Variants in CNTNAP2 observed in about 807,000 individuals in gnomAD.
CNTNAP2 encodes the protein contactin associated protein 2.
CNTNAP2 carries 98 observed loss-of-function variants against 155.2 expected under a neutral mutation model. That is an observed-to-expected ratio of 0.63 (90% CI 0.54 to 0.75). CNTNAP2 has a LOEUF of 0.75. Ranked by LOEUF, CNTNAP2 falls within the 30% of genes least tolerant of loss-of-function variation. CNTNAP2 has a pLI of 0.00. For missense variants in CNTNAP2, 1,727 were observed against 1,688.1 expected, an observed-to-expected ratio of 1.02 and a Z score of -0.40; for synonymous variants, 651 against 631.2, an observed-to-expected ratio of 1.03 and a Z score of -0.47.
chr7:146,933,810 C>T (rs1214230259), intron 3 of CNTNAP2, among the ~76,000 whole-genome samples: 1 of 151,946 alleles, frequency 6.6e-6, no homozygotes, highest in Non-Finnish European at 1.5e-5. Flanking sequence ...CAAAAGAAGA[C>T]ATTTATGCAG....
intron 15 of CNTNAP2, among the ~76,000 whole-genome samples, chr7:148,083,067 T>C (rs762228624): frequency 2.0e-5 from 3 of 151,838 alleles, no homozygotes; most frequent in Non-Finnish European, 4.4e-5. Context: ...CAAGGGGAAA[T>C]AAAGAGGGTA....
At chr7:147,676,335 A>G (rs851736) in intron 13 of CNTNAP2, among the ~76,000 whole-genome samples, 17,043 of 152,042 alleles carry the variant, frequency 0.11, 1,157 homozygotes, top group African/African-American at 0.18. Flanking sequence ...TGCTAGGGTT[A>G]CAGTAACCAT....
At chr7:146,721,384 A>G (rs1447862224) in intron 1 of CNTNAP2, among the ~76,000 whole-genome samples, 1 of 128,344 alleles carries the variant, frequency 7.8e-6, no homozygotes, top group African/African-American at 3.1e-5. Flanking sequence ...TACATTCTAT[A>G]TACATTCTAT....
intron 8 of CNTNAP2, among the ~76,000 whole-genome samples, chr7:147,205,895 T>C (rs1026109904): frequency 6.6e-6 from 1 of 152,114 alleles, no homozygotes; most frequent in South Asian, 2.1e-4. Context: ...AGAGTGGAAC[T>C]GGAAAGTTCC....
chr7:146,868,811 C>A (rs1795252881), intron 3 of CNTNAP2, among the ~76,000 whole-genome samples: 1 of 152,196 alleles, frequency 6.6e-6, no homozygotes, highest in African/African-American at 2.4e-5. Context: ...ATTTGCCTGT[C>A]TGCTTAGCTG....
At chr7:147,137,168 A>G (rs1412560238) in intron 8 of CNTNAP2, among the ~76,000 whole-genome samples, 1 of 151,526 alleles carries the variant, frequency 6.6e-6, no homozygotes, top group Non-Finnish European at 1.5e-5. Context: ...CTGAAAATGG[A>G]CATGTGATTT....
chr7:147,395,047 G>A (rs992728072), intron 9 of CNTNAP2, among the ~76,000 whole-genome samples: 3 of 151,164 alleles, frequency 2.0e-5, no homozygotes, highest in Non-Finnish European at 4.4e-5. Context: ...TGTTCCCTTA[G>A]ATTTTATAAA....
At chr7:146,778,962 C>T (rs545997340) in intron 2 of CNTNAP2, among the ~76,000 whole-genome samples, 10 of 152,202 alleles carry the variant, frequency 6.6e-5, no homozygotes, top group African/African-American at 1.4e-4. Flanking sequence ...TACCTGACAT[C>T]GTTTTGGGAA....
intron 10 of CNTNAP2, among the ~76,000 whole-genome samples, chr7:147,441,884 T>C (rs1222629178): frequency 1.7e-5 from 2 of 116,224 alleles, no homozygotes; most frequent in African/African-American, 6.2e-5. Flanking sequence ...TCCCTCCGTC[T>C]CTCTCTGTTC....
chr7:148,316,074 G>A (rs1022004313), intron 21 of CNTNAP2, among the ~76,000 whole-genome samples: 7 of 151,926 alleles, frequency 4.6e-5, no homozygotes, highest in African/African-American at 1.2e-4. Context: ...AAAAGATAGA[G>A]GGAAAAAAAA....
At chr7:146,436,237 T>TA (rs1322182158) in intron 1 of CNTNAP2, among the ~76,000 whole-genome samples, 1 of 152,134 alleles carries the variant, frequency 6.6e-6, no homozygotes, top group Non-Finnish European at 1.5e-5. Context: ...GGTAAGTGGG[T>TA]AAAAAAATCT....
chr7:146,530,359 C>T (rs1312293947), intron 1 of CNTNAP2, among the ~76,000 whole-genome samples: 5 of 151,794 alleles, frequency 3.3e-5, no homozygotes, highest in African/African-American at 7.3e-5. Context: ...GCAATGACAG[C>T]AAAAACAAAA....
intron 1 of CNTNAP2, among the ~76,000 whole-genome samples, chr7:146,544,226 T>C (rs1797995555): frequency 1.3e-5 from 2 of 151,964 alleles, no homozygotes; most frequent in Admixed American, 1.3e-4. Flanking sequence ...ATATGTTCTT[T>C]AGTTTATTAC....
intron 14 of CNTNAP2, among the ~76,000 whole-genome samples, chr7:147,963,751 C>T (rs745553580): frequency 6.6e-6 from 1 of 152,068 alleles, no homozygotes; most frequent in Non-Finnish European, 1.5e-5. Flanking sequence ...GTTTCCTTCT[C>T]GAGCTATAAC....
At chr7:148,325,690 G>T (rs962249029) in intron 21 of CNTNAP2, among the ~76,000 whole-genome samples, 8 of 152,318 alleles carry the variant, frequency 5.3e-5, no homozygotes, top group Non-Finnish European at 1.0e-4. Context: ...CTAGCAAGTT[G>T]GGGAAACTTC....
intron 21 of CNTNAP2, among the ~76,000 whole-genome samples, chr7:148,382,784 GCT>G (rs1204179020): frequency 2.0e-5 from 3 of 152,216 alleles, no homozygotes; most frequent in Non-Finnish European, 4.4e-5. Context: ...TGGTTAAAAG[GCT>G]CTGAGGTCAG....
chr7:146,213,691 C>T (rs1437455802), intron 1 of CNTNAP2, among the ~76,000 whole-genome samples: 1 of 152,080 alleles, frequency 6.6e-6, no homozygotes, highest in Non-Finnish European at 1.5e-5. Flanking sequence ...ATCCCAGTTC[C>T]CAAGCCATGT....
intron 13 of CNTNAP2, among the ~76,000 whole-genome samples, chr7:147,688,478 A>G (rs1796046227): frequency 1.3e-5 from 2 of 152,168 alleles, no homozygotes; most frequent in Admixed American, 1.3e-4. Context: ...CTTTCTCCTG[A>G]GTATGACAGC....
intron 1 of CNTNAP2, among the ~76,000 whole-genome samples, chr7:146,543,486 A>G (rs1202328497): frequency 6.6e-6 from 1 of 151,866 alleles, no homozygotes; most frequent in Non-Finnish European, 1.5e-5. Context: ...CTTGACCTTC[A>G]TGTGAGTGAA....
Sources: gnomAD v4.1 joint callset for allele counts (sites outside exome capture counted in the v4.1 genomes callset) on GRCh38, gnomAD v4.1.1 for gene constraint, MANE v1.5 for transcripts, NCBI Gene and HGNC (gene_info 2026-07-23, HGNC 2026-07-21) for gene names.